CNTNAP2: variants seen among roughly 807,000 people sequenced by gnomAD.
CNTNAP2 encodes the protein contactin associated protein 2.
CNTNAP2 carries 98 observed loss-of-function variants against 155.2 expected under a neutral mutation model. That is an observed-to-expected ratio of 0.63 (90% CI 0.54 to 0.75). The LOEUF is 0.75. Among genes scored for constraint, CNTNAP2 ranks in the 30% least tolerant of loss-of-function variants. The probability of loss-of-function intolerance (pLI) is 0.00; values close to 1 mark genes in which losing one functional copy is unlikely to be tolerated. For synonymous variants in CNTNAP2, 651 were observed against 631.2 expected, an observed-to-expected ratio of 1.03 and a Z score of -0.47; for missense variants, 1,727 against 1,688.1, an observed-to-expected ratio of 1.02 and a Z score of -0.40.
At chr7:146,674,748 G>C (rs903184525) in intron 1 of CNTNAP2, among the ~76,000 whole-genome samples, 1 of 152,124 alleles carries the variant, frequency 6.6e-6, no homozygotes, top group African/African-American at 2.4e-5. Context: ...TAAAGAAAAG[G>C]AGGGTTTAAT....
intron 1 of CNTNAP2, among the ~76,000 whole-genome samples, chr7:146,344,446 C>A (rs1435651938): frequency 1.3e-5 from 2 of 151,652 alleles, no homozygotes; most frequent in African/African-American, 2.4e-5. Context: ...TCTGTTAATT[C>A]TCCCATATAT....
intron 11 of CNTNAP2, among the ~76,000 whole-genome samples, chr7:147,504,561 T>C (rs1798873008): frequency 6.6e-6 from 1 of 151,572 alleles, no homozygotes; most frequent in Non-Finnish European, 1.5e-5. Flanking sequence ...TGGTGTTACG[T>C]GCCTGTAATC....
chr7:147,135,074 C>G (rs1801451649), intron 8 of CNTNAP2, among the ~76,000 whole-genome samples: 1 of 151,726 alleles, frequency 6.6e-6, no homozygotes, highest in South Asian at 2.1e-4. Flanking sequence ...GATCAAAAAC[C>G]TTTTTTTCCA....
intron 8 of CNTNAP2, among the ~76,000 whole-genome samples, chr7:147,234,614 C>G (rs1307311960): frequency 6.6e-6 from 1 of 152,130 alleles, no homozygotes; most frequent in Non-Finnish European, 1.5e-5. Context: ...GCTGGGATTA[C>G]AGGCATGAGC....
At chr7:147,263,945 C>T (rs1804549617) in intron 8 of CNTNAP2, among the ~76,000 whole-genome samples, 1 of 152,118 alleles carries the variant, frequency 6.6e-6, no homozygotes, top group Admixed American at 6.5e-5. Flanking sequence ...ATGGGGACAT[C>T]GCATTTGGCA....
intron 1 of CNTNAP2, among the ~76,000 whole-genome samples, chr7:146,650,349 G>A (rs7458540): frequency 0.47 from 71,199 of 151,976 alleles, 17,528 homozygotes; most frequent in South Asian, 0.57. Flanking sequence ...ATACCCTATG[G>A]AATACTATAC....
intron 4 of CNTNAP2, among the ~76,000 whole-genome samples, chr7:147,059,350 A>T (rs1563060887): frequency 6.6e-6 from 1 of 152,164 alleles, no homozygotes; most frequent in South Asian, 2.1e-4. Context: ...AACTCTAGGC[A>T]ACCTCAGTCT....
At chr7:147,951,255 G>A (rs1800925865) in intron 14 of CNTNAP2, among the ~76,000 whole-genome samples, 1 of 152,152 alleles carries the variant, frequency 6.6e-6, no homozygotes, top group African/African-American at 2.4e-5. Context: ...TTCCTAAAGA[G>A]AATGTGAGGA....
chr7:147,896,181 T>C (rs2710106), intron 13 of CNTNAP2, among the ~76,000 whole-genome samples: 48,356 of 151,988 alleles, frequency 0.32, 7,922 homozygotes, highest in African/African-American at 0.4. Flanking sequence ...TCCTTGCACA[T>C]GGAGGAAATA....
Position 147,819,094 on chromosome 7 carries a change from GT to G in CNTNAP2, c.2099-84468del, listed in dbSNP as rs760766921. On this transcript the variant is annotated intron_variant, in intron 13 of 23. Coordinates refer to ENST00000361727, the MANE Select transcript of CNTNAP2 (RefSeq NM_014141.6). ...TTGGGATAAAGCTCTGGTTAATTCAGTTTCTGGATAAAAGAAAGAGTAATTC... is the reference window on the plus strand; with the variant it reads ...TTGGGATAAAGCTCTGGTTAATTCAGTTCTGGATAAAAGAAAGAGTAATTC... Among the ~76,000 whole-genome samples, 183 of 152,236 alleles carry G rather than the reference GT, an allele frequency of 1.2e-3. 1 individual carries two copies. Among genetic ancestry groups the G allele is most frequent in the Non-Finnish European group, 1.6e-3 (108 of 68,024 alleles).
intron 1 of CNTNAP2, among the ~76,000 whole-genome samples, chr7:146,448,197 A>G (rs746419331): frequency 1.3e-5 from 2 of 152,044 alleles, no homozygotes; most frequent in Non-Finnish European, 2.9e-5. Context: ...ACAAATTAAG[A>G]GGTGCCTCAG....
intron 3 of CNTNAP2, among the ~76,000 whole-genome samples, chr7:146,944,662 A>G (rs990441300): frequency 8.5e-5 from 13 of 152,096 alleles, no homozygotes; most frequent in African/African-American, 3.1e-4. Context: ...GCGGATCACG[A>G]GGTCATGAGA....
intron 10 of CNTNAP2, among the ~76,000 whole-genome samples, chr7:147,435,594 T>C (rs1489837709): frequency 1.3e-5 from 2 of 152,244 alleles, no homozygotes; most frequent in African/African-American, 4.8e-5. Context: ...GGTAGTTTTG[T>C]ATAATTTGCC....
intron 12 of CNTNAP2, among the ~76,000 whole-genome samples, chr7:147,587,242 C>T (rs1033813640): frequency 9.2e-5 from 14 of 152,162 alleles, no homozygotes; most frequent in African/African-American, 3.1e-4. Flanking sequence ...ATTCATAAAA[C>T]CTTATCAGTT....
At chr7:147,054,658 A>G (rs1485090027) in intron 4 of CNTNAP2, among the ~76,000 whole-genome samples, 1 of 152,118 alleles carries the variant, frequency 6.6e-6, no homozygotes, top group Non-Finnish European at 1.5e-5. Flanking sequence ...TAAATTAGCT[A>G]GGGAGAGAAG....
chr7:147,220,743 C>T (rs1803378652), intron 8 of CNTNAP2, among the ~76,000 whole-genome samples: 1 of 151,912 alleles, frequency 6.6e-6, no homozygotes, highest in African/African-American at 2.4e-5. Flanking sequence ...GAGATGGAGT[C>T]TCACTCTCTT....
chr7:148,003,029 C>T (rs1388143201), intron 15 of CNTNAP2, among the ~76,000 whole-genome samples: 2 of 152,064 alleles, frequency 1.3e-5, no homozygotes, highest in African/African-American at 4.8e-5. Context: ...AGTCAGTGGG[C>T]CTACAGAGAA....
At chr7:148,125,655 CTGTGTGTGTGTGTGTG>C (rs763817928) in intron 16 of CNTNAP2, among the ~76,000 whole-genome samples, 5 of 136,352 alleles carry the variant, frequency 3.7e-5, no homozygotes, top group African/African-American at 8.6e-5. Flanking sequence ...TATTATAAAA[CTGTGTGTGTGTGTGTG>C]TGTGTGTGTG....
chr7:146,425,448 A>G (rs970798807), intron 1 of CNTNAP2, among the ~76,000 whole-genome samples: 2 of 152,208 alleles, frequency 1.3e-5, no homozygotes, highest in Non-Finnish European at 2.9e-5. Flanking sequence ...TTTTGAGAGC[A>G]ATCAGTATTG....
Sources: allele counts gnomAD v4.1 joint callset (sites outside exome capture counted in the v4.1 genomes callset), GRCh38; gene constraint gnomAD v4.1.1; transcripts MANE v1.5; gene names NCBI Gene and HGNC (gene_info 2026-07-23, HGNC 2026-07-21).